Variants in CCDC169 observed in about 807,000 individuals in gnomAD.
CCDC169 encodes the protein coiled-coil domain containing 169.
A neutral mutation model predicts 36.0 loss-of-function variants in CCDC169; 30 were observed. The observed-to-expected ratio is 0.83, with a 90% CI of 0.62 to 1.13. The LOEUF (loss-of-function observed/expected upper bound fraction) is 1.13. CCDC169 is among the 50% of genes most tolerant of loss of function. The probability of loss-of-function intolerance (pLI) is 0.00; values close to 1 mark genes in which losing one functional copy is unlikely to be tolerated. For synonymous variants in CCDC169, 85 were observed against 81.5 expected, an observed-to-expected ratio of 1.04 and a Z score of -0.23; for missense variants, 245 against 245.9, an observed-to-expected ratio of 1.00 and a Z score of 0.03.
chr13:36,289,725 A>C (rs1878645189), intron 2 of CCDC169, among the ~76,000 whole-genome samples: 1 of 152,166 alleles, frequency 6.6e-6, no homozygotes, highest in African/African-American at 2.4e-5. Flanking sequence ...ACTGAGACCT[A>C]AAAGGCTGAA....
intron 2 of CCDC169, among the ~76,000 whole-genome samples, chr13:36,288,964 TG>T (rs367604968): frequency 1.7e-4 from 26 of 152,204 alleles, no homozygotes; most frequent in African/African-American, 6.0e-4. Context: ...AGTCCAAGCA[TG>T]TAATAAATGG....
chr13:36,262,073 G>A (rs553182133), intron 4 of CCDC169, among the ~76,000 whole-genome samples: 18 of 152,172 alleles, frequency 1.2e-4, no homozygotes, highest in Non-Finnish European at 2.5e-4. Flanking sequence ...TCATATAGAG[G>A]AATAACTGTC....
chr13:36,265,479 G>A (rs1875159342), intron 4 of CCDC169, among the ~76,000 whole-genome samples: 1 of 152,230 alleles, frequency 6.6e-6, no homozygotes, highest in African/African-American at 2.4e-5. Context: ...AGCTGCAAAT[G>A]AGGCTACTAA....
chr13:36,226,967 C>T (rs188836846), downstream of CCDC169: 56 of 423,450 alleles, frequency 1.3e-4, no homozygotes, highest in Admixed American at 5.1e-4. Context: ...TAAATAACAA[C>T]GAAGAAAAAA....
Position 36,242,682 on chromosome 13 carries a change from T to C in CCDC169, c.545+5924A>G, listed in dbSNP as rs1428972833. On this transcript the variant is annotated intron_variant, in intron 7 of 7. Coordinates refer to ENST00000239859, the MANE Select transcript of CCDC169 (RefSeq NM_001144981.3). ...AAACACCAATTTATGCCAGGCACTC[T>C]ATTCAACATTAAGTTTCATCAGAGA... Among the ~76,000 whole-genome samples the C allele has an allele frequency of 2.0e-5, 3 of 152,302 alleles. No individual in the cohort carries two copies. The East Asian group carries it at 5.8e-4, about 29-fold the overall frequency.
downstream of CCDC169, among the ~76,000 whole-genome samples, chr13:36,227,863 T>C (rs911207620): frequency 2.6e-5 from 4 of 152,204 alleles, no homozygotes; most frequent in Non-Finnish European, 5.9e-5. Flanking sequence ...ATTGATCTAT[T>C]TTCTGTCTCT....
chr13:36,282,500 G>A (rs964973206), intron 4 of CCDC169: 55 of 985,038 alleles, frequency 5.6e-5, no homozygotes, highest in Non-Finnish European at 6.4e-5. Flanking sequence ...TTGGATTCAT[G>A]AGTACCAAAC....
At chr13:36,254,694 A>C (rs898297831) in intron 4 of CCDC169, among the ~76,000 whole-genome samples, 1 of 152,128 alleles carries the variant, frequency 6.6e-6, no homozygotes, top group African/African-American at 2.4e-5. Context: ...TATTTGAAAA[A>C]CGGTATCGTA....
chr13:36,275,626 T>C (rs949659434), intron 4 of CCDC169, among the ~76,000 whole-genome samples: 3 of 152,230 alleles, frequency 2.0e-5, no homozygotes, highest in African/African-American at 7.2e-5. Context: ...TAATGACTGG[T>C]TATCAGGCAT....
At chr13:36,297,589 C>A (rs1485719904) in intron 1 of CCDC169, 48 bp downstream of exon 1, 2 of 1,529,048 alleles carry the variant, frequency 1.3e-6, no homozygotes. Context: ...CAGGTGAAGG[C>A]TCGGGGGGTG....
At chr13:36,267,406 T>C (rs2138540665) in intron 4 of CCDC169, 1 of 152,266 alleles carries the variant, frequency 6.6e-6, no homozygotes, top group Non-Finnish European at 1.5e-5. Context: ...GACAAACAAA[T>C]GCTGAGGGAA....
chr13:36,254,107 C>T lies in CCDC169; in HGVS notation c.352G>A (p.Glu118Lys). 6.5e-7 allele frequency: 1 copy of T among 1,545,214 alleles called. No homozygotes were observed. Among genetic ancestry groups the T allele is most frequent in the Non-Finnish European group, 8.7e-7 (1 of 1,145,040 alleles). ...LNTLLKQLEE[E>K]KKTLESQVKY... ...ACTTGACTTTCAAGAGTCTTCTTTT[C>T]TTCTTCTAGCTGTTTAAGTAATGTG... The change falls in exon 5 of 8, where the codon GAA (glutamate) becomes AAA (lysine). Residue 118 changes from glutamate (E) to lysine (K), a missense_variant. By Grantham distance (56) the Glu-to-Lys change is moderately conservative. Transcript: ENST00000239859.
intron 7 of CCDC169, among the ~76,000 whole-genome samples, chr13:36,233,882 C>T (rs1870744592): frequency 6.6e-6 from 1 of 152,188 alleles, no homozygotes; most frequent in African/African-American, 2.4e-5. Flanking sequence ...ACAAAGCTGT[C>T]TTAAGTGGGA....
chr13:36,230,128 T>C (rs2138372528), downstream of CCDC169, among the ~76,000 whole-genome samples: 1 of 152,342 alleles, frequency 6.6e-6, no homozygotes, highest in South Asian at 2.1e-4. Context: ...TAGAAGAAGT[T>C]ACAGAAATGC....
At chr13:36,227,137 G>C (rs1869919428), downstream of CCDC169, 1 of 1,057,280 alleles carries the variant, frequency 9.5e-7, no homozygotes, top group African/African-American at 1.6e-5. Context: ...CCTGGGGGAG[G>C]CTTAAAGAAA....
chr13:36,251,486 T>A (rs534089914), intron 6 of CCDC169, among the ~76,000 whole-genome samples: 2 of 152,274 alleles, frequency 1.3e-5, no homozygotes, highest in African/African-American at 4.8e-5. Context: ...TTATTTCACA[T>A]AAGTGAATTT....
At chr13:36,224,200 A>G (rs1048186486), downstream of CCDC169, 2 of 152,156 alleles carry the variant, frequency 1.3e-5, no homozygotes, top group Admixed American at 6.5e-5. Context: ...TGCTCTCATC[A>G]TTATTGTTTT....
chr13:36,285,648 T>TAA (rs1368768919), intron 2 of CCDC169, among the ~76,000 whole-genome samples: 1 of 152,192 alleles, frequency 6.6e-6, no homozygotes, highest in Non-Finnish European at 1.5e-5. Flanking sequence ...CATAGATACA[T>TAA]AGATAGATAG....
intron 7 of CCDC169, among the ~76,000 whole-genome samples, chr13:36,235,067 G>A (rs1295976161): frequency 6.6e-6 from 1 of 151,980 alleles, no homozygotes; most frequent in African/African-American, 2.4e-5. Flanking sequence ...GACAATAACA[G>A]CACAAAGAAG....
Sources: gnomAD v4.1 joint callset for allele counts (sites outside exome capture counted in the v4.1 genomes callset) on GRCh38, gnomAD v4.1.1 for gene constraint, MANE v1.5 for transcripts, NCBI Gene and HGNC (gene_info 2026-07-23, HGNC 2026-07-21) for gene names.